PRKCB: variants seen among roughly 807,000 people sequenced by gnomAD.
PRKCB encodes protein kinase C beta type.
A neutral mutation model predicts 81.5 loss-of-function variants in PRKCB; 13 were observed. That is an observed-to-expected ratio of 0.16 (90% confidence interval 0.10 to 0.25). The LOEUF is 0.25. PRKCB is among the 10% of genes least tolerant of loss of function. The pLI, the probability that PRKCB is intolerant of heterozygous loss-of-function variation, is 1.00. For synonymous variants in PRKCB, 335 were observed against 321.4 expected, an observed-to-expected ratio of 1.04 and a Z score of -0.45; for missense variants, 509 against 875.7, an observed-to-expected ratio of 0.58 and a Z score of 5.29.
chr16:24,125,614 T>C (rs1474283012), intron 9 of PRKCB, among the ~76,000 whole-genome samples: 2 of 152,260 alleles, frequency 1.3e-5, no homozygotes, highest in Non-Finnish European at 2.9e-5. Context: ...GCAATGCTTT[T>C]CTTGTGTCCT....
chr16:24,158,371 A>T (rs2141956251), intron 10 of PRKCB, among the ~76,000 whole-genome samples: 1 of 152,278 alleles, frequency 6.6e-6, no homozygotes, highest in Non-Finnish European at 1.5e-5. Flanking sequence ...AAGTCTCTTG[A>T]CAACTTAGAT....
At chr16:23,952,799 G>A (rs768381285) in intron 2 of PRKCB, among the ~76,000 whole-genome samples, 4 of 152,172 alleles carry the variant, frequency 2.6e-5, no homozygotes, top group Non-Finnish European at 4.4e-5. Flanking sequence ...TGTACCTTTT[G>A]TGGAACAGGT....
chr16:24,098,232 A>G (rs1352170557), intron 7 of PRKCB: 1 of 152,250 alleles, frequency 6.6e-6, no homozygotes, highest in Non-Finnish European at 1.5e-5. Flanking sequence ...CTCATAAGAT[A>G]GATAATGGGC....
At chr16:24,168,541 CTTTTTTTTTTTTT>C (rs56671761) in intron 10 of PRKCB, among the ~76,000 whole-genome samples, 10 of 76,328 alleles carry the variant, frequency 1.3e-4, no homozygotes, top group Non-Finnish European at 2.4e-4. Flanking sequence ...TCTTCTTCTA[CTTTTTTTTTTTTT>C]TTTTTTTTTT....
chr16:24,129,327 G>A (rs1057221781), intron 9 of PRKCB, among the ~76,000 whole-genome samples: 1 of 152,126 alleles, frequency 6.6e-6, no homozygotes, highest in Non-Finnish European at 1.5e-5. Context: ...AGCTGGGGGA[G>A]GCAGCTGGTG....
intron 3 of PRKCB, among the ~76,000 whole-genome samples, chr16:24,020,567 A>C (rs188513965): frequency 1.3e-5 from 2 of 152,174 alleles, no homozygotes; most frequent in Non-Finnish European, 2.9e-5. Context: ...TTGAGGTTTT[A>C]TAAAGTGGAT....
At chr16:24,001,346 C>T (rs867081003) in intron 3 of PRKCB, among the ~76,000 whole-genome samples, 2 of 152,120 alleles carry the variant, frequency 1.3e-5, no homozygotes, top group African/African-American at 4.8e-5. Context: ...CTCCTAATTC[C>T]ATCACTAAAT....
At chr16:24,099,122 C>T (rs1204761834) in intron 7 of PRKCB, 1 of 152,216 alleles carries the variant, frequency 6.6e-6, no homozygotes, top group East Asian at 1.9e-4. Flanking sequence ...AGCTACTACT[C>T]ATTGACTCTT....
chr16:24,219,070 C>A lies in PRKCB; in HGVS notation c.*4254C>A. On this transcript the variant is annotated 3_prime_UTR_variant, in exon 17 of 17. Transcript: ENST00000643927. ...GGAAAGACAAGAGGCTTGCAAGGAC[C>A]CTGAAGAGGTCGGAGCATCATACAG... is the stretch of plus-strand genomic sequence containing the variant. The A allele has an allele frequency of 1.0e-6, 1 of 985,360 alleles. No homozygotes were observed. The highest frequency in any genetic ancestry group is 1.2e-6 in the Non-Finnish European group (1 of 829,986). The allele number at this position is 985,360 out of a possible 1,614,324, so 61.0% of individuals were successfully genotyped here. A position where few individuals can be genotyped will look rare whatever the true frequency, so the allele number is the denominator to read the frequency against.
Position 24,123,955 on chromosome 16 carries a change from G to C in PRKCB, c.1039G>C (p.Val347Leu). ...ACTGACCGATTTTAACTTCCTAATG[G>C]TGCTGGGGAAAGGCAGCTTTGGCAA... Reference protein sequence around the residue: ...MKLTDFNFLMVLGKGSFGKVM... With the variant: ...MKLTDFNFLMLLGKGSFGKVM... Residue 347 changes from valine (V) to leucine (L), a missense_variant, in exon 9 of 17, where the codon GTG (valine) becomes CTG (leucine). Physicochemically the swap from Val to Leu is conservative, Grantham distance 32. Coordinates refer to ENST00000643927, the MANE Select transcript of PRKCB (RefSeq NM_002738.7). The C allele has an allele frequency of 6.2e-7, 1 of 1,614,156 alleles. No individual in the cohort carries two copies. The highest frequency in any genetic ancestry group is 8.5e-7 in the Non-Finnish European group (1 of 1,180,018).
intron 8 of PRKCB, among the ~76,000 whole-genome samples, chr16:24,116,481 A>G (rs951647641): frequency 2.0e-5 from 3 of 152,168 alleles, no homozygotes; most frequent in African/African-American, 7.2e-5. Flanking sequence ...TGCCCACCCG[A>G]CATGCTGGAA....
At chr16:24,036,210 C>T (rs533108641) in intron 5 of PRKCB, among the ~76,000 whole-genome samples, 2 of 150,978 alleles carry the variant, frequency 1.3e-5, no homozygotes, top group Non-Finnish European at 3.0e-5. Flanking sequence ...GGAGGAGCTG[C>T]TGGTGGTGGT....
At chr16:23,866,404 C>T (rs1283692972) in intron 2 of PRKCB, among the ~76,000 whole-genome samples, 1 of 152,174 alleles carries the variant, frequency 6.6e-6, no homozygotes, top group Non-Finnish European at 1.5e-5. Context: ...AGTACAATCT[C>T]ATCAGGATAA....
chr16:24,048,672 A>G (rs1965797238), intron 5 of PRKCB, among the ~76,000 whole-genome samples: 1 of 151,756 alleles, frequency 6.6e-6, no homozygotes, highest in South Asian at 2.1e-4. Context: ...TTGTATTTTT[A>G]GTAGAGACAG....
intron 2 of PRKCB, among the ~76,000 whole-genome samples, chr16:23,946,820 C>T (rs1964209037): frequency 6.6e-6 from 1 of 151,558 alleles, no homozygotes; most frequent in Non-Finnish European, 1.5e-5. Context: ...TCTGCTAGTC[C>T]ATAGATCACA....
chr16:24,213,678 A>C (rs555575925), intron 16 of PRKCB, among the ~76,000 whole-genome samples: 5 of 152,382 alleles, frequency 3.3e-5, no homozygotes, highest in Admixed American at 1.3e-4. Context: ...GAAAACACAT[A>C]GAGCTTTTGT....
chr16:23,963,745 G>A (rs923183125), intron 2 of PRKCB: 1 of 152,138 alleles, frequency 6.6e-6, no homozygotes, highest in Non-Finnish European at 1.5e-5. Flanking sequence ...GTTAGCAAGG[G>A]GCTTGTTCCT....
intron 2 of PRKCB, among the ~76,000 whole-genome samples, chr16:23,855,896 C>A (rs528565744): frequency 4.6e-5 from 7 of 152,218 alleles, no homozygotes; most frequent in African/African-American, 1.7e-4. Flanking sequence ...GAGGACACAG[C>A]TGTGAGCAAT....
chr16:24,214,221 C>A (rs1374722354), intron 16 of PRKCB, among the ~76,000 whole-genome samples: 1 of 152,158 alleles, frequency 6.6e-6, no homozygotes, highest in African/African-American at 2.4e-5. Flanking sequence ...ACTGGGATCT[C>A]CCAGGTGATG....
Sources: allele counts gnomAD v4.1 joint callset (sites outside exome capture counted in the v4.1 genomes callset), GRCh38; gene constraint gnomAD v4.1.1; transcripts MANE v1.5; gene names NCBI Gene and HGNC (gene_info 2026-07-23, HGNC 2026-07-21).